The following CYP46A1 variants were observed in gnomAD, a reference collection of about 807,000 sequenced individuals.
CYP46A1 encodes cytochrome P450 family 46 subfamily A member 1.
A neutral mutation model predicts 63.3 loss-of-function variants in CYP46A1; 20 were observed. The observed-to-expected ratio is 0.32, with a 90% confidence interval of 0.22 to 0.46. The LOEUF is 0.46. Among genes scored for constraint, CYP46A1 ranks in the 20% least tolerant of loss-of-function variants. CYP46A1 has a pLI of 1.00. For missense variants in CYP46A1, 445 were observed against 670.8 expected (o/e 0.66, Z 3.72); for synonymous variants, 268 against 273.6 (o/e 0.98, Z 0.20).
At chr14:99,726,131 G>A in intron 13 of CYP46A1, 59 bp from the exon 14 acceptor site, 1 of 1,477,028 alleles carries the variant, frequency 6.8e-7, no homozygotes, top group African/African-American at 1.4e-5. Context: ...TCTTCCTTAT[G>A]TTGTTCCTGT....
At position 99,726,266 on chromosome 14, in the gene CYP46A1, G is replaced by C. The variant is rs1377101056; in HGVS notation, c.1332+10G>C. The C allele has an allele frequency of 1.2e-6, 2 of 1,612,620 alleles. No individual in the cohort carries two copies. The highest frequency in any genetic ancestry group is 4.5e-5 in the East Asian group (2 of 44,830). ...GCAGCAGTTTGCTCAGGTAGGAGGG[G>C]CAGGGCTGTGGTTCTGCCCAGGAGT... On this transcript the variant is annotated intron_variant, in intron 14 of 14. Coordinates refer to ENST00000261835, the MANE Select transcript of CYP46A1 (RefSeq NM_006668.2).
intron 3 of CYP46A1, among the ~76,000 whole-genome samples, chr14:99,692,956 G>T (rs890981593): frequency 6.6e-6 from 1 of 152,198 alleles, no homozygotes; most frequent in Non-Finnish European, 1.5e-5. Flanking sequence ...GCTCAACTCC[G>T]GGCTCTGCCA....
At position 99,707,609 on chromosome 14, in the gene CYP46A1, G is replaced by T. The variant is rs774884916; in HGVS notation, c.624G>T (p.Gln208His). 1.2e-6 allele frequency: 2 copies of T among 1,614,106 alleles called. No homozygotes were observed. Among genetic ancestry groups the T allele is most frequent in the South Asian group, 1.1e-5 (1 of 91,090 alleles). ...AGACCAGTATGCTGCTGGGTGCCCA[G>T]AAGCCTCTGTCCCAGGCAGTGAAAC... is the stretch of plus-strand genomic sequence containing the variant. ...GMETSMLLGA[Q>H]KPLSQAVKLM... is the part of the protein sequence containing the mutation. The change falls in exon 7 of 15, where the codon CAG becomes CAT. Residue 208 changes from glutamine to histidine, a missense_variant. Gln to His is a conservative substitution (Grantham distance 24, BLOSUM62 0). Transcript: ENST00000261835.
Position 99,715,980 on chromosome 14 carries a change from G to A in CYP46A1, c.844+20G>A, listed in dbSNP as rs377123640. ...TGAAAGGTGCAAGGGCCCCCTCTGC[G>A]GACTGGGGAGGGCGGGGTGGGCCAG... On this transcript the variant is annotated intron_variant, in intron 8 of 14. Coordinates refer to ENST00000261835, the MANE Select transcript of CYP46A1 (RefSeq NM_006668.2). 1.6e-5 allele frequency: 25 copies of A among 1,597,078 alleles called. No homozygotes were observed. In the South Asian group the frequency reaches 1.6e-4, roughly 10 times the overall value.
intron 10 of CYP46A1, among the ~76,000 whole-genome samples, chr14:99,720,108 C>T (rs892378641): frequency 6.6e-6 from 1 of 152,124 alleles, no homozygotes; most frequent in Non-Finnish European, 1.5e-5. Flanking sequence ...TTGTAAGCAT[C>T]GGTCCCATTT....
intron 12 of CYP46A1, among the ~76,000 whole-genome samples, chr14:99,724,627 G>A (rs1275894031): frequency 6.6e-6 from 1 of 152,158 alleles, no homozygotes. Flanking sequence ...TTAGGTGGGG[G>A]GAGTGGTGAG....
At chr14:99,707,457 A>G in intron 6 of CYP46A1, 111 bp from the exon 7 acceptor site, 1 of 789,966 alleles carries the variant, frequency 1.3e-6, no homozygotes, top group Non-Finnish European at 2.1e-6. Context: ...TATGATGCAT[A>G]TAAACCCTTA....
intron 6 of CYP46A1, 49 bp downstream of exon 6, chr14:99,706,834 G>C: frequency 6.3e-7 from 1 of 1,593,604 alleles, no homozygotes; most frequent in South Asian, 1.1e-5. Flanking sequence ...ACATGGGGTA[G>C]AGGGGTCTCT....
At position 99,698,335 on chromosome 14, in the gene CYP46A1, C is replaced by T. The variant is rs115769425; in HGVS notation, c.283-1131C>T. 9.2e-3 allele frequency among the ~76,000 whole-genome samples: 1,404 copies of T among 152,200 alleles called. 22 individuals carry two copies. The highest frequency in any genetic ancestry group is 0.032 in the African/African-American group (1,322 of 41,520). On this transcript the variant is annotated intron_variant, in intron 3 of 14. Transcript: ENST00000261835. ...ATCATAGCCGTCTCTCCCCTCTCTC[C>T]GCAGCAAATTGCCTGGATTCAAATC...
intron 8 of CYP46A1, 77 bp downstream of exon 8, chr14:99,716,037 T>A (rs112123188): frequency 1.2e-6 from 2 of 1,608,126 alleles, no homozygotes; most frequent in Non-Finnish European, 1.7e-6. Flanking sequence ...CGCCACTGAC[T>A]CTGTTTGGCT....
At chr14:99,688,543 C>G (rs1470932005) in intron 1 of CYP46A1, among the ~76,000 whole-genome samples, 4 of 152,156 alleles carry the variant, frequency 2.6e-5, no homozygotes, top group Non-Finnish European at 5.9e-5. Context: ...CCAACCTGCC[C>G]CCTCTGCTCA....
chr14:99,705,054 C>A (rs1160203084), intron 5 of CYP46A1, among the ~76,000 whole-genome samples: 3 of 152,206 alleles, frequency 2.0e-5, no homozygotes, highest in Admixed American at 6.5e-5. Flanking sequence ...AGATTTTCAT[C>A]CCCCTCCTAA....
At chr14:99,685,137 C>A (rs1290351419) in intron 1 of CYP46A1, among the ~76,000 whole-genome samples, 2 of 137,734 alleles carry the variant, frequency 1.5e-5, no homozygotes, top group Non-Finnish European at 3.0e-5. Flanking sequence ...TTAAATGTGT[C>A]ATTTCCCTGC....
chr14:99,720,109 G>T (rs188915419), intron 10 of CYP46A1, among the ~76,000 whole-genome samples: 4 of 152,070 alleles, frequency 2.6e-5, no homozygotes, highest in African/African-American at 9.6e-5. Flanking sequence ...TGTAAGCATC[G>T]GTCCCATTTT....
chr14:99,698,034 G>C (rs542161316), intron 3 of CYP46A1, among the ~76,000 whole-genome samples: 5 of 152,092 alleles, frequency 3.3e-5, no homozygotes, highest in Non-Finnish European at 7.4e-5. Flanking sequence ...GGTTACATTT[G>C]AGGTCCCTGG....
intron 1 of CYP46A1, among the ~76,000 whole-genome samples, chr14:99,685,243 C>G (rs2056482750): frequency 6.6e-6 from 1 of 151,716 alleles, no homozygotes; most frequent in Non-Finnish European, 1.5e-5. Flanking sequence ...AGAACCCACT[C>G]TGCAGCTTGC....
intron 7 of CYP46A1, 65 bp from the exon 8 acceptor site, chr14:99,715,745 T>C (rs3752957): frequency 0.15 from 244,738 of 1,601,650 alleles, 19,188 homozygotes; most frequent in Admixed American, 0.2. Context: ...TTCGGGGTGG[T>C]GGGGGAGAGG....
intron 5 of CYP46A1, among the ~76,000 whole-genome samples, chr14:99,705,794 A>T (rs1488097251): frequency 6.6e-6 from 1 of 152,226 alleles, no homozygotes; most frequent in Non-Finnish European, 1.5e-5. Context: ...CCATGCTGGC[A>T]CATGCCTGTA....
Position 99,726,853 on chromosome 14 carries a change from G to GTGAA in CYP46A1, c.*126_*127insTGAA. 1 of 801,292 alleles carries GTGAA rather than the reference G, an allele frequency of 1.2e-6. No individual in the cohort carries two copies. Among genetic ancestry groups the GTGAA allele is most frequent in the Non-Finnish European group, 1.8e-6 (1 of 549,196 alleles). The allele number at this position is 801,292 out of a possible 1,614,324, so 49.6% of individuals were successfully genotyped here. A position where few individuals can be genotyped will look rare whatever the true frequency, so the allele number is the denominator to read the frequency against. Reference sequence around the variant, plus strand: ...GCCACCCTTCACGCTGGCTTCCAGCGGGCCCTCTGCCGACCGCCTGCTTCA... The same window carrying GTGAA: ...GCCACCCTTCACGCTGGCTTCCAGCGTGAAGGCCCTCTGCCGACCGCCTGCTTCA... On this transcript the variant is annotated 3_prime_UTR_variant, in exon 15 of 15. Coordinates refer to ENST00000261835, the MANE Select transcript of CYP46A1 (RefSeq NM_006668.2).
Sources: allele counts gnomAD v4.1 joint callset (sites outside exome capture counted in the v4.1 genomes callset), GRCh38; gene constraint gnomAD v4.1.1; transcripts MANE v1.5; gene names NCBI Gene and HGNC (gene_info 2026-07-23, HGNC 2026-07-21).